The following TTLL11 variants were observed in gnomAD, a reference collection of about 807,000 sequenced individuals.
The protein encoded by TTLL11 is tubulin polyglutamylase TTLL11.
In TTLL11, 42 loss-of-function variants were observed where a neutral mutation model predicts 51.7. That is an observed-to-expected ratio of 0.81 (90% CI 0.64 to 1.05). The LOEUF (loss-of-function observed/expected upper bound fraction) is 1.05. Ranked by LOEUF, TTLL11 falls within the 50% of genes least tolerant of loss-of-function variation. TTLL11 has a pLI of 0.00. For synonymous variants in TTLL11, 381 were observed against 383.5 expected (o/e 0.99, Z 0.08); for missense variants, 799 against 940.4 (o/e 0.85, Z 1.97).
At chr9:122,067,050 T>C (rs1845605496) in intron 1 of TTLL11, among the ~76,000 whole-genome samples, 1 of 152,138 alleles carries the variant, frequency 6.6e-6, no homozygotes, top group Admixed American at 6.5e-5. Flanking sequence ...ATTATGGGGA[T>C]TACAATTCAA....
chr9:121,926,919 T>A (rs1840757581), intron 6 of TTLL11, among the ~76,000 whole-genome samples: 1 of 152,132 alleles, frequency 6.6e-6, no homozygotes, highest in Non-Finnish European at 1.5e-5. Flanking sequence ...CTGACAAGGA[T>A]CCTCTTGCAA....
chr9:121,973,966 G>T, intron 6 of TTLL11, 43 bp downstream of exon 6: 1 of 1,462,070 alleles, frequency 6.8e-7, no homozygotes. Context: ...GCCGGGTTAG[G>T]AGGCAGAGTT....
At chr9:121,998,474 C>T (rs1280945495) in intron 3 of TTLL11, among the ~76,000 whole-genome samples, 8 of 151,922 alleles carry the variant, frequency 5.3e-5, no homozygotes, top group African/African-American at 1.2e-4. Context: ...TCAGTAGAGA[C>T]GGAGTTTCAC....
chr9:121,928,159 A>C (rs1237489136), intron 6 of TTLL11, among the ~76,000 whole-genome samples: 1 of 152,188 alleles, frequency 6.6e-6, no homozygotes, highest in East Asian at 1.9e-4. Context: ...GATTCGATAA[A>C]ATCAAGAATT....
intron 2 of TTLL11, among the ~76,000 whole-genome samples, chr9:122,032,797 CTT>C (rs11371856): frequency 1.4e-4 from 19 of 138,528 alleles, no homozygotes; most frequent in Admixed American, 2.2e-4. Context: ...TTCATTTTTT[CTT>C]TTTTTTTTTT....
intron 6 of TTLL11, among the ~76,000 whole-genome samples, chr9:121,920,654 A>G (rs1239596241): frequency 1.3e-5 from 2 of 152,232 alleles, no homozygotes; most frequent in Non-Finnish European, 2.9e-5. Context: ...TCATCTCTAC[A>G]GGAGTGGGCC....
intron 8 of TTLL11, among the ~76,000 whole-genome samples, chr9:121,842,032 G>C (rs79364932): frequency 1.5e-4 from 23 of 152,096 alleles, no homozygotes; most frequent in Non-Finnish European, 3.1e-4. Flanking sequence ...CACCTCTCAG[G>C]GGGCAAAGGA....
At chr9:122,035,593 G>C (rs1436148362) in intron 2 of TTLL11, among the ~76,000 whole-genome samples, 1 of 152,158 alleles carries the variant, frequency 6.6e-6, no homozygotes, top group Non-Finnish European at 1.5e-5. Flanking sequence ...ATAATTCTTG[G>C]CAAAAACATA....
intron 6 of TTLL11, among the ~76,000 whole-genome samples, chr9:121,929,163 C>T (rs1055114651): frequency 2.0e-5 from 3 of 152,198 alleles, no homozygotes; most frequent in South Asian, 2.1e-4. Flanking sequence ...ACATTTTGGC[C>T]GGGCGCGGTG....
rs1189196974 is a variant in TTLL11 at position 121,906,342 on chromosome 9, T to A, written c.1482-35594A>T. ...GCTCAGATCCATTTATGTAATAATT[T>A]TTAAAAAAAAAAAAATCTGTCTTCT... On this transcript the variant is annotated intron_variant, in intron 6 of 8. Transcript: ENST00000321582. 1.2e-4 allele frequency among the ~76,000 whole-genome samples: 10 copies of A among 84,426 alleles called. No homozygotes were observed. The South Asian group carries it at 3.3e-3, about 28-fold the overall frequency. 55.4% of individuals were successfully genotyped at this position (84,426 alleles called of 152,430 possible). A position where few individuals can be genotyped will look rare whatever the true frequency, so the allele number is the denominator to read the frequency against.
chr9:122,011,632 T>C (rs1843793506), intron 3 of TTLL11, among the ~76,000 whole-genome samples: 1 of 151,772 alleles, frequency 6.6e-6, no homozygotes, highest in African/African-American at 2.4e-5. Context: ...ACAGAAGTGG[T>C]TAGGGGTACA....
intron 8 of TTLL11, among the ~76,000 whole-genome samples, chr9:121,837,993 C>A (rs1023199365): frequency 1.3e-5 from 2 of 152,204 alleles, no homozygotes; most frequent in Non-Finnish European, 2.9e-5. Flanking sequence ...CTGTGGGCCC[C>A]ACAGGGCTCT....
intron 6 of TTLL11, among the ~76,000 whole-genome samples, chr9:121,945,341 G>A (rs1430096015): frequency 6.6e-6 from 1 of 152,236 alleles, no homozygotes; most frequent in African/African-American, 2.4e-5. Context: ...GATGGGCTGT[G>A]AAAATAATGA....
At chr9:121,866,803 G>C (rs1014387047) in intron 7 of TTLL11, among the ~76,000 whole-genome samples, 5 of 152,220 alleles carry the variant, frequency 3.3e-5, no homozygotes, top group Non-Finnish European at 7.3e-5. Context: ...CTCAGTCTGA[G>C]TTCCTGTGCA....
intron 2 of TTLL11, among the ~76,000 whole-genome samples, chr9:122,032,939 T>A (rs7872919): frequency 0.04 from 6,022 of 151,594 alleles, 389 homozygotes; most frequent in African/African-American, 0.14. Context: ...GGACTACAGG[T>A]GTGTGCCACC....
intron 8 of TTLL11, among the ~76,000 whole-genome samples, chr9:121,837,513 G>C (rs747897438): frequency 6.6e-6 from 1 of 152,090 alleles, no homozygotes; most frequent in African/African-American, 2.4e-5. Context: ...GGCCTGGAGC[G>C]GGTGGGGGTG....
rs146493026 is a variant in TTLL11 at position 121,926,925 on chromosome 9, T to C, written c.1481+47084A>G. Among the ~76,000 whole-genome samples the C allele has an allele frequency of 7.2e-5, 11 of 152,290 alleles. 1 individual carries two copies. In the East Asian group the frequency reaches 1.9e-3, roughly 27 times the overall value. Reference sequence around the variant, plus strand: ...TGGTTGGTTCTGACAAGGATCCTCTTGCAAATGCAGACAGCCGACTTCTCA... The same window carrying C: ...TGGTTGGTTCTGACAAGGATCCTCTCGCAAATGCAGACAGCCGACTTCTCA... On this transcript the variant is annotated intron_variant, in intron 6 of 8. Transcript: ENST00000321582.
At chr9:121,900,037 T>G (rs1467858572) in intron 6 of TTLL11, among the ~76,000 whole-genome samples, 1 of 152,214 alleles carries the variant, frequency 6.6e-6, no homozygotes, top group Non-Finnish European at 1.5e-5. Context: ...CAAAAAGTAC[T>G]TATGCCTAGT....
At chr9:122,092,178 T>C (rs1362501577) in intron 1 of TTLL11, among the ~76,000 whole-genome samples, 3 of 152,162 alleles carry the variant, frequency 2.0e-5, no homozygotes, top group African/African-American at 7.2e-5. Context: ...GAGAAGGTAA[T>C]AGGCTGAAGA....
Sources: allele counts gnomAD v4.1 joint callset (sites outside exome capture counted in the v4.1 genomes callset), GRCh38; gene constraint gnomAD v4.1.1; transcripts MANE v1.5; gene names NCBI Gene and HGNC (gene_info 2026-07-23, HGNC 2026-07-21).